Variants in DSCAM observed in about 807,000 individuals in gnomAD.
The protein encoded by DSCAM is cell adhesion molecule DSCAM.
A neutral mutation model predicts 217.7 loss-of-function variants in DSCAM; 47 were observed. That is an observed-to-expected ratio of 0.22 (90% confidence interval 0.17 to 0.28). DSCAM has a LOEUF of 0.28. Ranked by LOEUF, DSCAM falls within the 10% of genes least tolerant of loss-of-function variation. The probability of loss-of-function intolerance (pLI) is 1.00; values close to 1 mark genes in which losing one functional copy is unlikely to be tolerated. For missense variants in DSCAM, 2,080 were observed against 2,618.3 expected, an observed-to-expected ratio of 0.79 and a Z score of 4.49; for synonymous variants, 1,056 against 1,015.3, an observed-to-expected ratio of 1.04 and a Z score of -0.76.
At chr21:40,761,138 T>A (rs1489733038) in intron 1 of DSCAM, among the ~76,000 whole-genome samples, 1 of 152,236 alleles carries the variant, frequency 6.6e-6, no homozygotes, top group Non-Finnish European at 1.5e-5. Flanking sequence ...CAAGGCTGCA[T>A]CCATGATCCT....
intron 8 of DSCAM, among the ~76,000 whole-genome samples, chr21:40,319,630 A>AT (rs1343736059): frequency 1.3e-5 from 2 of 152,218 alleles, no homozygotes. Context: ...GATTATATAA[A>AT]TTTTTTTAGG....
At chr21:40,572,102 GTGTGT>G (rs2076812365) in intron 3 of DSCAM, among the ~76,000 whole-genome samples, 1 of 151,832 alleles carries the variant, frequency 6.6e-6, no homozygotes, top group African/African-American at 2.4e-5. Context: ...GTGTGTGTGT[GTGTGT>G]GTGTGTGTGT....
chr21:40,072,401 C>T (rs1332864375), intron 27 of DSCAM, among the ~76,000 whole-genome samples: 2 of 149,162 alleles, frequency 1.3e-5, no homozygotes, highest in Non-Finnish European at 3.0e-5. Flanking sequence ...GGCTGGAGTG[C>T]AGTGGCGGGA....
intron 9 of DSCAM, among the ~76,000 whole-genome samples, chr21:40,298,084 C>CTTT (rs59908038): frequency 7.5e-6 from 1 of 132,686 alleles, no homozygotes. Flanking sequence ...TTAGCTTTTA[C>CTTT]TTTTTTTTTT....
intron 28 of DSCAM, among the ~76,000 whole-genome samples, chr21:40,060,778 ATTTCT>A (rs1373162812): frequency 6.6e-6 from 1 of 152,158 alleles, no homozygotes; most frequent in East Asian, 1.9e-4. Context: ...ACCTTTGACA[ATTTCT>A]TTTATTAGGT....
chr21:40,528,375 A>G, intron 3 of DSCAM, among the ~76,000 whole-genome samples: 1 of 152,332 alleles, frequency 6.6e-6, no homozygotes, highest in East Asian at 1.9e-4. Context: ...ACTCCATTAT[A>G]GTAATTACTG....
rs764146940 is a variant in DSCAM at position 40,031,417 on chromosome 21, A to G, written c.5686+10954T>C. Among the ~76,000 whole-genome samples the G allele has an allele frequency of 2.0e-5, 3 of 152,236 alleles. 1 individual carries two copies. Among genetic ancestry groups the G allele is most frequent in the Non-Finnish European group, 2.9e-5 (2 of 68,022 alleles). ...CGTGTATTGAATCCCTACTGATTGAATATCTCCTGAGTAAAAAGACACTGG... is the reference window on the plus strand; with the variant it reads ...CGTGTATTGAATCCCTACTGATTGAGTATCTCCTGAGTAAAAAGACACTGG... On this transcript the variant is annotated intron_variant, in intron 32 of 32. Coordinates refer to ENST00000400454, the MANE Select transcript of DSCAM (RefSeq NM_001389.5).
chr21:40,652,415 G>T (rs2090026810), intron 3 of DSCAM, among the ~76,000 whole-genome samples: 1 of 151,956 alleles, frequency 6.6e-6, no homozygotes. Flanking sequence ...TAATCTCTGT[G>T]TCATGTCATT....
chr21:40,354,360 T>A (rs943222547), intron 4 of DSCAM, among the ~76,000 whole-genome samples: 1 of 152,020 alleles, frequency 6.6e-6, no homozygotes, highest in African/African-American at 2.4e-5. Context: ...TAAAATATCA[T>A]AAAATTAATA....
chr21:40,039,430 A>C (rs558567923), intron 32 of DSCAM, among the ~76,000 whole-genome samples: 1 of 152,178 alleles, frequency 6.6e-6, no homozygotes, highest in Non-Finnish European at 1.5e-5. Context: ...ATTTTAACCA[A>C]TTTAACCAGT....
intron 10 of DSCAM, among the ~76,000 whole-genome samples, chr21:40,294,904 A>C (rs1317336757): frequency 6.6e-6 from 1 of 152,072 alleles, no homozygotes; most frequent in Non-Finnish European, 1.5e-5. Context: ...GTGACAGGGG[A>C]GTTGCTTCAG....
At chr21:40,766,150 G>A (rs957461433) in intron 1 of DSCAM, among the ~76,000 whole-genome samples, 6 of 152,164 alleles carry the variant, frequency 3.9e-5, no homozygotes, top group Non-Finnish European at 8.8e-5. Flanking sequence ...AGGGGTTGGG[G>A]GTGGGGGAAG....
At chr21:40,799,662 C>T (rs2091721909) in intron 1 of DSCAM, among the ~76,000 whole-genome samples, 2 of 152,188 alleles carry the variant, frequency 1.3e-5, no homozygotes, top group South Asian at 4.1e-4. Context: ...CTTGTAAAGA[C>T]CTCTTGAATT....
intron 3 of DSCAM, among the ~76,000 whole-genome samples, chr21:40,387,639 G>A (rs150837531): frequency 2.0e-5 from 3 of 152,172 alleles, no homozygotes; most frequent in African/African-American, 7.2e-5. Flanking sequence ...TTCCAATCTT[G>A]AGCTTCCAGT....
intron 8 of DSCAM, among the ~76,000 whole-genome samples, chr21:40,330,476 G>T (rs2074366926): frequency 6.7e-6 from 1 of 149,828 alleles, no homozygotes; most frequent in African/African-American, 2.4e-5. Flanking sequence ...CCTCCAATTA[G>T]GGTAAAGTAA....
At chr21:40,597,684 T>TTA (rs1445870285) in intron 3 of DSCAM, among the ~76,000 whole-genome samples, 1 of 151,870 alleles carries the variant, frequency 6.6e-6, no homozygotes, top group Non-Finnish European at 1.5e-5. Context: ...TTTTTTGTGT[T>TTA]TTTAATAGAG....
Position 40,692,895 on chromosome 21 carries a change from C to T in DSCAM, c.423G>A (p.Ala141=), listed in dbSNP as rs200615691. The part of the protein sequence containing the change: ...EDQKTMRGNV[A]VFKCIIPSSV... The stretch of plus-strand genomic sequence containing the variant: ...AGGAGGGGATAATGCACTTGAAGAC[C>T]GCAACATTGCCTCTCATGGTTTTCT... Residue 141 remains alanine (A), a synonymous_variant, in exon 3 of 33, where the codon GCG becomes GCA. Coordinates refer to ENST00000400454, the MANE Select transcript of DSCAM (RefSeq NM_001389.5). 11 of 1,613,980 alleles carry T rather than the reference C, an allele frequency of 6.8e-6. No individual in the cohort carries two copies. Among genetic ancestry groups the T allele is most frequent in the African/African-American group, 1.3e-5 (1 of 75,012 alleles).
intron 30 of DSCAM, among the ~76,000 whole-genome samples, chr21:40,049,220 T>C (rs2088890449): frequency 6.6e-6 from 1 of 152,168 alleles, no homozygotes; most frequent in African/African-American, 2.4e-5. Context: ...ACTCTCAGAA[T>C]GAAATGCACC....
chr21:40,128,159 A>G (rs1268180705), intron 19 of DSCAM, among the ~76,000 whole-genome samples: 1 of 150,162 alleles, frequency 6.7e-6, no homozygotes, highest in Non-Finnish European at 1.5e-5. Context: ...CTCCCCCACT[A>G]GCTTGCAAAC....
Sources: allele counts gnomAD v4.1 joint callset (sites outside exome capture counted in the v4.1 genomes callset), GRCh38; gene constraint gnomAD v4.1.1; transcripts MANE v1.5; gene names NCBI Gene and HGNC (gene_info 2026-07-23, HGNC 2026-07-21).